Variants in ZNF568 observed in about 807,000 individuals in gnomAD.
ZNF568 encodes p53 inhibitor of SCO2 activation.
ZNF568 carries 11 observed loss-of-function variants against 18.1 expected under a neutral mutation model. That is an observed-to-expected ratio of 0.61 (90% CI 0.38 to 1.00). ZNF568 has a LOEUF of 1.00. ZNF568 is among the 50% of genes least tolerant of loss of function. The pLI, the probability that ZNF568 is intolerant of heterozygous loss-of-function variation, is 0.01. For synonymous variants in ZNF568, 213 were observed against 246.6 expected, an observed-to-expected ratio of 0.86 and a Z score of 1.28; for missense variants, 639 against 768.2, an observed-to-expected ratio of 0.83 and a Z score of 1.99.
intron 2 of ZNF568, among the ~76,000 whole-genome samples, chr19:36,987,433 C>T (rs1050369072): frequency 2.0e-5 from 3 of 152,178 alleles, no homozygotes; most frequent in Admixed American, 1.3e-4. Context: ...CTGGGATATA[C>T]GAACAAAGCC....
intron 4 of ZNF568, among the ~76,000 whole-genome samples, chr19:36,932,525 G>A (rs935470139): frequency 5.9e-5 from 9 of 152,180 alleles, no homozygotes; most frequent in African/African-American, 2.2e-4. Flanking sequence ...GGTAGGCAGA[G>A]GTTGCAGTGA....
Position 36,950,095 on chromosome 19 carries a change from C to T in ZNF568, c.942C>T (p.Ala314=). Residue 314 remains alanine, a synonymous_variant, in exon 7 of 7, where the codon GCC becomes GCT. Transcript: ENST00000333987. ...ATGCATGTAAGGATTGTTGGAAAGCCTTCAGTCAGAAATCAAATCTCATTG... is the reference window on the plus strand; with the variant it reads ...ATGCATGTAAGGATTGTTGGAAAGCTTTCAGTCAGAAATCAAATCTCATTG... The part of the protein sequence containing the change: ...KPYACKDCWK[A]FSQKSNLIEH... 6.2e-7 allele frequency: 1 copy of T among 1,613,548 alleles called. No individual in the cohort carries two copies. Among genetic ancestry groups the T allele is most frequent in the Non-Finnish European group, 8.5e-7 (1 of 1,179,864 alleles).
At position 36,977,207 on chromosome 19, in the gene ZNF568, T is replaced by C. The variant is rs769728351; in HGVS notation, c.406-1797T>C. Among the ~76,000 whole-genome samples the C allele has an allele frequency of 2.6e-5, 4 of 152,218 alleles. 1 individual carries two copies. The highest frequency in any genetic ancestry group is 5.9e-5 in the Non-Finnish European group (4 of 68,042). Reference sequence around the variant, plus strand: ...CTTTCTTACCACAAAAATAGAATAGTTACTTTTATATTTTCCTAAAATACT... The same window carrying C: ...CTTTCTTACCACAAAAATAGAATAGCTACTTTTATATTTTCCTAAAATACT... On this transcript the variant is annotated intron_variant, in intron 7 of 7. Coordinates refer to the ZNF568 transcript ENST00000427117.
At chr19:36,997,061 G>A (rs1233136494) in exon 5 of ZNF568, 1 of 1,567,756 alleles carries the variant, frequency 6.4e-7, no homozygotes, top group Non-Finnish European at 8.6e-7. Context: ...AAGGAATGTG[G>A]AAAGGCTTTT....
At position 36,949,783 on chromosome 19, in the gene ZNF568, A is replaced by G. The variant is rs750256101; in HGVS notation, c.630A>G (p.Pro210=). The change falls in exon 7 of 7, where the codon CCA becomes CCG. Residue 210 remains proline (P), a synonymous_variant. Coordinates refer to ENST00000333987, the MANE Select transcript of ZNF568 (RefSeq NM_198539.4). ...REKQSNEFGK[P]FYHCASYVVT... ...AACAGAGTAATGAGTTTGGGAAACC[A>G]TTTTACCATTGTGCATCCTATGTTG... is the stretch of plus-strand genomic sequence containing the variant. 2 of 1,613,960 alleles carry G rather than the reference A, an allele frequency of 1.2e-6. No homozygotes were observed. Among genetic ancestry groups the G allele is most frequent in the East Asian group, 4.5e-5 (2 of 44,838 alleles).
intron 6 of ZNF568, among the ~76,000 whole-genome samples, chr19:36,967,021 G>A (rs1568400780): frequency 6.6e-6 from 1 of 152,180 alleles, no homozygotes; most frequent in African/African-American, 2.4e-5. Flanking sequence ...TGCATCTCAG[G>A]CCTAAGGCCT....
Position 36,922,722 on chromosome 19 carries a change from G to A in ZNF568, c.-49G>A. ...GTCCTGAAAGAGAGTGGACCCTGGAGTTGCTGGAGCTTGTCTTGACCCTTC... is the reference window on the plus strand; with the variant it reads ...GTCCTGAAAGAGAGTGGACCCTGGAATTGCTGGAGCTTGTCTTGACCCTTC... On this transcript the variant is annotated 5_prime_UTR_variant, in exon 3 of 7. Transcript: ENST00000333987. The A allele has an allele frequency of 6.4e-7, 1 of 1,562,562 alleles. No individual in the cohort carries two copies. Among genetic ancestry groups the A allele is most frequent in the African/African-American group, 1.4e-5 (1 of 73,926 alleles).
chr19:36,929,045 A>G (rs1600778340), intron 4 of ZNF568, among the ~76,000 whole-genome samples: 1 of 152,158 alleles, frequency 6.6e-6, no homozygotes, highest in East Asian at 1.9e-4. Context: ...TGGCCAGGAA[A>G]AGTATAAAAG....
intron 6 of ZNF568, among the ~76,000 whole-genome samples, chr19:36,960,763 C>T (rs1300390088): frequency 6.6e-6 from 1 of 151,466 alleles, no homozygotes; most frequent in African/African-American, 2.4e-5. Flanking sequence ...TTTCAATTTT[C>T]ATTTTAATTA....
intron 6 of ZNF568, among the ~76,000 whole-genome samples, chr19:36,948,914 T>C (rs2146309298): frequency 6.6e-6 from 1 of 152,272 alleles, no homozygotes; most frequent in East Asian, 1.9e-4. Context: ...TCCAGTGATT[T>C]CTGGCCAAAT....
At chr19:36,930,505 G>A (rs486891) in intron 4 of ZNF568, among the ~76,000 whole-genome samples, 3,689 of 152,230 alleles carry the variant, frequency 0.024, 161 homozygotes, top group African/African-American at 0.084. Flanking sequence ...CACCGCGCCT[G>A]GCCAGGGGTG....
intron 4 of ZNF568, 88 bp from the exon 5 acceptor site, chr19:36,936,657 CT>C: frequency 7.4e-7 from 1 of 1,342,900 alleles, no homozygotes; most frequent in East Asian, 2.3e-5. Context: ...CCTCTGACCC[CT>C]GAGTACCAGC....
At chr19:36,969,465 C>A (rs1177687054) in intron 6 of ZNF568, among the ~76,000 whole-genome samples, 1 of 152,110 alleles carries the variant, frequency 6.6e-6, no homozygotes, top group African/African-American at 2.4e-5. Context: ...GTCATCCCAA[C>A]CTCTTCCTGC....
In ZNF568 at chr19:36,977,687, G is replaced by A. The variant is rs548835339; in HGVS notation, c.406-1317G>A. On this transcript the variant is annotated intron_variant, in intron 7 of 7. Transcript: ENST00000427117. ...CCATGCCCTGCACACTGGTGGGGAG[G>A]AAGCTTCAGTTCCCCTTGCACTTCA... Among the ~76,000 whole-genome samples the A allele has an allele frequency of 4.6e-5, 7 of 152,276 alleles. 1 individual carries two copies. In the South Asian group the frequency reaches 1.2e-3, roughly 27 times the overall value.
chr19:36,960,172 C>G (rs535953279), intron 6 of ZNF568, among the ~76,000 whole-genome samples: 31 of 131,688 alleles, frequency 2.4e-4, no homozygotes, highest in African/African-American at 9.1e-4. Context: ...GGCTAGAGTG[C>G]AATGGTGTAA....
At chr19:36,973,778 A>G (rs1626675) in intron 6 of ZNF568, 88,826 of 152,426 alleles carry the variant, frequency 0.58, 26,938 homozygotes, top group African/African-American at 0.74. Context: ...GTGCCGGGTC[A>G]TCGACCCCAT....
chr19:36,929,178 G>A (rs1312552106), intron 4 of ZNF568, among the ~76,000 whole-genome samples: 1 of 152,086 alleles, frequency 6.6e-6, no homozygotes, highest in African/African-American at 2.4e-5. Flanking sequence ...GAACTGACTT[G>A]TAGTTATCTT....
At position 36,950,420 on chromosome 19, in the gene ZNF568, T is replaced by C. The variant is rs184811853; in HGVS notation, c.1267T>C (p.Cys423Arg). 3 of 1,614,048 alleles carry C rather than the reference T, an allele frequency of 1.9e-6. No homozygotes were observed. The highest frequency in any genetic ancestry group is 1.7e-5 in the Admixed American group (1 of 60,006). Residue 423 changes from cysteine to arginine, a missense_variant, in exon 7 of 7, where the codon TGT becomes CGT. By Grantham distance (180) the Cys-to-Arg change is radical. Coordinates refer to ENST00000333987, the MANE Select transcript of ZNF568 (RefSeq NM_198539.4). ...TGAGAAACCCTATGTATGTAGTGAA[T>C]GTGGGAAAGCCTTCTCTCAGAGTTC... is the stretch of plus-strand genomic sequence containing the variant. ...TGEKPYVCSE[C>R]GKAFSQSSSL...
intron 6 of ZNF568, among the ~76,000 whole-genome samples, chr19:36,938,075 A>C (rs1307313537): frequency 6.6e-6 from 1 of 152,160 alleles, no homozygotes; most frequent in African/African-American, 2.4e-5. Context: ...AACCTGTTGG[A>C]ATTTTTATTG....
Sources: allele counts gnomAD v4.1 joint callset (sites outside exome capture counted in the v4.1 genomes callset), GRCh38; gene constraint gnomAD v4.1.1; transcripts MANE v1.5; gene names NCBI Gene and HGNC (gene_info 2026-07-23, HGNC 2026-07-21).